TSPAN15: variants seen among roughly 807,000 people sequenced by gnomAD.
The protein encoded by TSPAN15 is tetraspanin 15.
A neutral mutation model predicts 34.5 loss-of-function variants in TSPAN15; 20 were observed. The observed-to-expected ratio is 0.58, with a 90% CI of 0.41 to 0.84. The LOEUF is 0.84. Among genes scored for constraint, TSPAN15 ranks in the 40% least tolerant of loss-of-function variants. The pLI is 0.00. For synonymous variants in TSPAN15, 155 were observed against 153.9 expected (o/e 1.01, Z -0.05); for missense variants, 313 against 386.1 (o/e 0.81, Z 1.59).
chr10:69,457,888 C>T (rs1358140149), intron 1 of TSPAN15, among the ~76,000 whole-genome samples: 2 of 152,198 alleles, frequency 1.3e-5, no homozygotes, highest in East Asian at 1.9e-4. Flanking sequence ...ATGGATTAGT[C>T]GTTCTTTTCC....
chr10:69,455,624 CT>C (rs1196256640), intron 1 of TSPAN15, among the ~76,000 whole-genome samples: 51 of 88,854 alleles, frequency 5.7e-4, no homozygotes, highest in African/African-American at 7.6e-4. Context: ...CTCTCTCTCT[CT>C]CCCCCCCCCG....
intron 5 of TSPAN15, 138 bp downstream of exon 5, chr10:69,498,534 G>A: frequency 1.5e-6 from 1 of 681,522 alleles, no homozygotes; most frequent in Non-Finnish European, 2.5e-6. Context: ...GCAGAGCGGA[G>A]GCTTTCCTGA....
At chr10:69,455,441 A>AT (rs1243156531) in intron 1 of TSPAN15, among the ~76,000 whole-genome samples, 1 of 152,160 alleles carries the variant, frequency 6.6e-6, no homozygotes, top group Non-Finnish European at 1.5e-5. Flanking sequence ...GGCTACATAG[A>AT]TTCCACTCTA....
At chr10:69,475,680 G>A (rs1841600294) in intron 1 of TSPAN15, among the ~76,000 whole-genome samples, 1 of 152,142 alleles carries the variant, frequency 6.6e-6, no homozygotes, top group African/African-American at 2.4e-5. Context: ...GTGTGCCTGT[G>A]GGAGTCTTAA....
the TSPAN15 span, among the ~76,000 whole-genome samples, chr10:69,529,922 T>C: frequency 4.1e-5 from 6 of 145,922 alleles, no homozygotes; most frequent in Non-Finnish European, 7.5e-5. Context: ...CTCCCACTTA[T>C]AAGTGAGAAC....
At position 69,507,180 on chromosome 10, in the gene TSPAN15, C is replaced by A; in HGVS notation, c.*202C>A. Reference sequence around the variant, plus strand: ...CTGGGCCTCCCCTAAGAGGCTTTCCCCGAGGCAGCTCTGGAATCTGTGCCC... The same window carrying A: ...CTGGGCCTCCCCTAAGAGGCTTTCCACGAGGCAGCTCTGGAATCTGTGCCC... On this transcript the variant is annotated 3_prime_UTR_variant, in exon 8 of 8. Coordinates refer to ENST00000373290, the MANE Select transcript of TSPAN15 (RefSeq NM_012339.5). 7.0e-7 allele frequency: 1 copy of A among 1,422,468 alleles called. No homozygotes were observed. Among genetic ancestry groups the A allele is most frequent in the Non-Finnish European group, 9.1e-7 (1 of 1,094,726 alleles). 88.1% of individuals were successfully genotyped at this position (1,422,468 alleles called of 1,614,324 possible).
At chr10:69,509,082 GGA>G (rs145198721), downstream of TSPAN15, among the ~76,000 whole-genome samples, 14,646 of 152,276 alleles carry the variant, frequency 0.096, 843 homozygotes, top group South Asian at 0.13. Flanking sequence ...TGCCCAGAGG[GGA>G]GACGGCAGCT....
intron 5 of TSPAN15, among the ~76,000 whole-genome samples, chr10:69,500,905 A>T (rs1842191956): frequency 6.6e-6 from 1 of 152,196 alleles, no homozygotes; most frequent in Non-Finnish European, 1.5e-5. Context: ...TCCCTGCACC[A>T]GGGAGGGGAA....
intron 5 of TSPAN15, among the ~76,000 whole-genome samples, chr10:69,498,624 A>G (rs1842140464): frequency 6.6e-6 from 1 of 152,116 alleles, no homozygotes; most frequent in African/African-American, 2.4e-5. Flanking sequence ...GTTGGTTAAA[A>G]TCTATTGAGC....
chr10:69,511,858 C>T (rs1335988337), downstream of TSPAN15, among the ~76,000 whole-genome samples: 1 of 150,314 alleles, frequency 6.7e-6, no homozygotes, highest in Non-Finnish European at 1.5e-5. Context: ...CCAAACACCG[C>T]ATGTTCTCAC....
At chr10:69,468,117 C>T (rs1841427224) in intron 1 of TSPAN15, among the ~76,000 whole-genome samples, 3 of 148,112 alleles carry the variant, frequency 2.0e-5, no homozygotes, top group Admixed American at 2.0e-4. Context: ...CCAGCCCCCG[C>T]CCCCCTCCCC....
chr10:69,505,667 A>G (rs974277345), intron 6 of TSPAN15, among the ~76,000 whole-genome samples: 1 of 151,564 alleles, frequency 6.6e-6, no homozygotes, highest in African/African-American at 2.4e-5. Flanking sequence ...CTGAGCCTCC[A>G]TAGTAGCTGG....
chr10:69,510,901 C>A (rs1338966476), downstream of TSPAN15, among the ~76,000 whole-genome samples: 1 of 152,182 alleles, frequency 6.6e-6, no homozygotes, highest in Non-Finnish European at 1.5e-5. Flanking sequence ...TATGTTGAAC[C>A]AGCCTTGCAT....
chr10:69,466,672 G>C (rs1841391628), intron 1 of TSPAN15, among the ~76,000 whole-genome samples: 1 of 152,190 alleles, frequency 6.6e-6, no homozygotes, highest in African/African-American at 2.4e-5. Flanking sequence ...GGAGACACTG[G>C]GAGTTCTCAG....
chr10:69,520,274 C>T, the TSPAN15 span, among the ~76,000 whole-genome samples: 5 of 152,212 alleles, frequency 3.3e-5, no homozygotes, highest in Non-Finnish European at 7.3e-5. Flanking sequence ...CAATATTTGT[C>T]CTTTTATGCC....
Position 69,451,554 on chromosome 10 carries a change from G to T in TSPAN15, c.-41G>T. On this transcript the variant is annotated 5_prime_UTR_variant, in exon 1 of 8. Transcript: ENST00000373290. ...GCGCTGGCTGAGGGACCGAGCCGGA[G>T]AGCCCCGGAGCCCCCGTAACCCGCG... 1 of 1,356,914 alleles carries T rather than the reference G, an allele frequency of 7.4e-7. No individual in the cohort carries two copies. The allele number at this position is 1,356,914 out of a possible 1,614,324, so 84.1% of individuals were successfully genotyped here. A position where few individuals can be genotyped will look rare whatever the true frequency, so the allele number is the denominator to read the frequency against.
chr10:69,520,373 A>G, the TSPAN15 span, among the ~76,000 whole-genome samples: 1 of 152,172 alleles, frequency 6.6e-6, no homozygotes, highest in Non-Finnish European at 1.5e-5. Flanking sequence ...TGGCTGAGGA[A>G]TATTTCTGGC....
At chr10:69,531,602 GCAAA>G in the TSPAN15 span, among the ~76,000 whole-genome samples, 22 of 152,022 alleles carry the variant, frequency 1.4e-4, no homozygotes, top group East Asian at 2.3e-3. Context: ...GTCTCAAAAA[GCAAA>G]CAAACAAACA....
chr10:69,507,044 G>C lies in TSPAN15; in HGVS notation c.*66G>C. 6.4e-7 allele frequency: 1 copy of C among 1,570,982 alleles called. No homozygotes were observed. Among genetic ancestry groups the C allele is most frequent in the Non-Finnish European group, 8.6e-7 (1 of 1,159,908 alleles). ...GATAGCACCTCTCAGTCAACATCGT[G>C]GGGCTGGACAGGGCTGCGGCCCCTC... On this transcript the variant is annotated 3_prime_UTR_variant, in exon 8 of 8. Coordinates refer to ENST00000373290, the MANE Select transcript of TSPAN15 (RefSeq NM_012339.5).
Sources: allele counts gnomAD v4.1 joint callset (sites outside exome capture counted in the v4.1 genomes callset), GRCh38; gene constraint gnomAD v4.1.1; transcripts MANE v1.5; gene names NCBI Gene and HGNC (gene_info 2026-07-23, HGNC 2026-07-21).